MACROD2: variants seen among roughly 807,000 people sequenced by gnomAD.
The protein encoded by MACROD2 is mono-ADP ribosylhydrolase 2, also known as ADP-ribose glycohydrolase MACROD2.
Under a neutral mutation model 70.4 loss-of-function variants are expected in MACROD2, and 36 were observed. That is an observed-to-expected ratio of 0.51 (90% CI 0.39 to 0.68). The LOEUF is 0.68. Among genes scored for constraint, MACROD2 ranks in the 30% least tolerant of loss-of-function variants. MACROD2 has a pLI of 0.00. For synonymous variants in MACROD2, 172 were observed against 178.8 expected (o/e 0.96, Z 0.30); for missense variants, 496 against 538.4 (o/e 0.92, Z 0.78).
At chr20:14,023,154 AGTG>A (rs1248920515) in intron 2 of MACROD2, among the ~76,000 whole-genome samples, 2 of 152,198 alleles carry the variant, frequency 1.3e-5, no homozygotes, top group African/African-American at 2.4e-5. Context: ...TCTAGTGACC[AGTG>A]ATGATGAGCT....
chr20:14,575,624 T>A (rs999399350), intron 4 of MACROD2, among the ~76,000 whole-genome samples: 10 of 152,196 alleles, frequency 6.6e-5, no homozygotes, highest in Non-Finnish European at 1.3e-4. Flanking sequence ...GAGTATTCAT[T>A]CAAAGAATCT....
intron 5 of MACROD2, among the ~76,000 whole-genome samples, chr20:15,128,740 A>G (rs2076084216): frequency 6.6e-6 from 1 of 152,062 alleles, no homozygotes; most frequent in African/African-American, 2.4e-5. Context: ...TGTTAGGGTA[A>G]TTAGGACTAT....
At chr20:15,112,295 A>C (rs959753681) in intron 5 of MACROD2, among the ~76,000 whole-genome samples, 3 of 152,218 alleles carry the variant, frequency 2.0e-5, no homozygotes, top group African/African-American at 7.2e-5. Flanking sequence ...AGGGACTTTA[A>C]AATTAGGCCA....
At chr20:14,108,476 A>T (rs537269019) in intron 3 of MACROD2, among the ~76,000 whole-genome samples, 124 of 119,420 alleles carry the variant, frequency 1.0e-3, no homozygotes, top group East Asian at 2.3e-3. Context: ...CTAAGTGGAT[A>T]AAAAAAAAAA....
At chr20:15,679,072 A>G (rs1017347957) in intron 8 of MACROD2, among the ~76,000 whole-genome samples, 1 of 152,078 alleles carries the variant, frequency 6.6e-6, no homozygotes, top group Admixed American at 6.5e-5. Flanking sequence ...CCCCATCTCT[A>G]CTAAAAATAC....
chr20:14,065,201 T>C lies in MACROD2; in HGVS notation c.164-20420T>C, dbSNP rs6042504. Reference sequence around the variant, plus strand: ...TGTTCTGGCCAGTTAACTTAAATTCTTTGTGTGTGGACATCTGACACACCT... The same window carrying C: ...TGTTCTGGCCAGTTAACTTAAATTCCTTGTGTGTGGACATCTGACACACCT... On this transcript the variant is annotated intron_variant, in intron 2 of 17. Coordinates refer to ENST00000684519, the MANE Select transcript of MACROD2 (RefSeq NM_001351661.2). Among the ~76,000 whole-genome samples the C allele has an allele frequency of 7.1e-3, 1,081 of 152,322 alleles. 13 individuals are homozygous for C. Among genetic ancestry groups the C allele is most frequent in the African/African-American group, 0.025 (1,021 of 41,568 alleles).
At chr20:15,226,545 A>G (rs2076908374) in intron 5 of MACROD2, among the ~76,000 whole-genome samples, 1 of 151,338 alleles carries the variant, frequency 6.6e-6, no homozygotes, top group Non-Finnish European at 1.5e-5. Context: ...TAAAACATAA[A>G]TCAATACAAA....
intron 5 of MACROD2, among the ~76,000 whole-genome samples, chr20:14,825,912 A>AAAAGTGATGCCTTT: frequency 6.6e-6 from 1 of 152,252 alleles, no homozygotes; most frequent in East Asian, 1.9e-4. Context: ...TTTTCCTCTG[A>AAAAGTGATGCCTTT]ATAGTTAATT....
At chr20:15,809,861 C>T (rs1215514654) in intron 8 of MACROD2, among the ~76,000 whole-genome samples, 1 of 141,996 alleles carries the variant, frequency 7.0e-6, no homozygotes, top group Non-Finnish European at 1.5e-5. Flanking sequence ...GCCACCCTAT[C>T]TTTTTTTTTT....
chr20:14,211,518 A>G (rs563271725), intron 3 of MACROD2, among the ~76,000 whole-genome samples: 26 of 152,324 alleles, frequency 1.7e-4, no homozygotes, highest in African/African-American at 6.3e-4. Flanking sequence ...GCTTTCATTT[A>G]TACCTCCAGA....
chr20:14,849,357 A>G (rs1292292362), intron 5 of MACROD2, among the ~76,000 whole-genome samples: 3 of 152,126 alleles, frequency 2.0e-5, no homozygotes, highest in Non-Finnish European at 4.4e-5. Context: ...AATATCTTCT[A>G]TGCCTAAATT....
In MACROD2 at chr20:14,088,648, C is replaced by T. The variant is rs571878778; in HGVS notation, c.271+2920C>T. Among the ~76,000 whole-genome samples, 7 of 152,260 alleles carry T rather than the reference C, an allele frequency of 4.6e-5. No homozygotes were observed. In the East Asian group the frequency reaches 5.8e-4, roughly 13 times the overall value. On this transcript the variant is annotated intron_variant, in intron 3 of 17. Coordinates refer to ENST00000684519, the MANE Select transcript of MACROD2 (RefSeq NM_001351661.2). ...TATTAAGATAACATTGAATTTGCCACGTTAGCACACACTTAATACAGTAAT... is the reference window on the plus strand; with the variant it reads ...TATTAAGATAACATTGAATTTGCCATGTTAGCACACACTTAATACAGTAAT...
intron 2 of MACROD2, among the ~76,000 whole-genome samples, chr20:14,055,912 C>A (rs997536435): frequency 6.6e-6 from 1 of 152,102 alleles, no homozygotes; most frequent in African/African-American, 2.4e-5. Context: ...ACAGGGTCCT[C>A]ATTGGATATA....
chr20:14,822,542 A>G (rs2072858219), intron 5 of MACROD2, among the ~76,000 whole-genome samples: 3 of 152,006 alleles, frequency 2.0e-5, no homozygotes, highest in African/African-American at 4.8e-5. Context: ...CTGAGTTTCT[A>G]TTTTCAATAG....
At chr20:15,201,378 G>A (rs1210994322) in intron 5 of MACROD2, among the ~76,000 whole-genome samples, 1 of 152,016 alleles carries the variant, frequency 6.6e-6, no homozygotes, top group East Asian at 1.9e-4. Context: ...TCTAACATTC[G>A]CAGGACCCAG....
intron 3 of MACROD2, among the ~76,000 whole-genome samples, chr20:14,333,477 A>G (rs2082880146): frequency 6.6e-6 from 1 of 152,158 alleles, no homozygotes; most frequent in African/African-American, 2.4e-5. Flanking sequence ...TGTAAGAACG[A>G]GTAAGATATT....
rs187458599 is a variant in MACROD2, at chr20:15,765,111, C to G, written c.646-97634C>G. 3.2e-4 allele frequency among the ~76,000 whole-genome samples: 49 copies of G among 152,226 alleles called. 1 individual carries two copies. The highest frequency in any genetic ancestry group is 6.8e-4 in the Non-Finnish European group (46 of 68,010). On this transcript the variant is annotated intron_variant, in intron 8 of 17. Transcript: ENST00000684519. ...CCTCAAAGAGGTCTTGTCTAGCTAC[C>G]CTATCAGACATAGCCCTCCATGCTC... is the stretch of plus-strand genomic sequence containing the variant.
intron 5 of MACROD2, among the ~76,000 whole-genome samples, chr20:14,996,272 T>A (rs2074948654): frequency 1.3e-5 from 2 of 152,168 alleles, no homozygotes; most frequent in African/African-American, 4.8e-5. Context: ...ATCAAGGGAA[T>A]GGGAACTTCC....
At chr20:15,214,433 A>G (rs1019305411) in intron 5 of MACROD2, among the ~76,000 whole-genome samples, 11 of 152,162 alleles carry the variant, frequency 7.2e-5, no homozygotes, top group African/African-American at 1.2e-4. Context: ...CAAGCCTGTA[A>G]TCCCAGCACT....
Sources: gnomAD v4.1 joint callset for allele counts (sites outside exome capture counted in the v4.1 genomes callset) on GRCh38, gnomAD v4.1.1 for gene constraint, MANE v1.5 for transcripts, NCBI Gene and HGNC (gene_info 2026-07-23, HGNC 2026-07-21) for gene names.